ABCB1: variants seen among roughly 807,000 people sequenced by gnomAD.
ABCB1 encodes ATP binding cassette subfamily B member 1, also known as ATP-dependent translocase ABCB1.
ABCB1 carries 69 observed loss-of-function variants against 142.0 expected under a neutral mutation model. The observed-to-expected ratio is 0.49, with a 90% confidence interval of 0.40 to 0.59. The LOEUF (loss-of-function observed/expected upper bound fraction) is 0.59, where lower values mean the gene tolerates loss of function less well. Ranked by LOEUF, ABCB1 falls within the 20% of genes least tolerant of loss-of-function variation. ABCB1 has a pLI of 0.00. For missense variants in ABCB1, 1,326 were observed against 1,554.7 expected, an observed-to-expected ratio of 0.85 and a Z score of 2.47; for synonymous variants, 532 against 539.2, an observed-to-expected ratio of 0.99 and a Z score of 0.18.
intron 1 of ABCB1, among the ~76,000 whole-genome samples, chr7:87,695,443 T>G (rs1298041000): frequency 6.6e-6 from 1 of 152,096 alleles, no homozygotes; most frequent in African/African-American, 2.4e-5. Context: ...CACAAGTTTT[T>G]TAAAGGAACC....
intron 1 of ABCB1, chr7:87,700,722 G>T: frequency 1.6e-6 from 1 of 610,922 alleles, no homozygotes; most frequent in Non-Finnish European, 2.7e-6. Context: ...CTAAACTAGT[G>T]GCTCTCAAAT....
chr7:87,572,620 TAGC>T (rs1489109060), intron 4 of ABCB1, among the ~76,000 whole-genome samples: 4 of 152,296 alleles, frequency 2.6e-5, no homozygotes, highest in African/African-American at 9.6e-5. Context: ...ATGTTCATTG[TAGC>T]ACTATTCACA....
chr7:87,690,469 A>G (rs1827905786), intron 1 of ABCB1, among the ~76,000 whole-genome samples: 1 of 152,182 alleles, frequency 6.6e-6, no homozygotes, highest in African/African-American at 2.4e-5. Context: ...TGTTTCTAAG[A>G]TGTTAATACC....
chr7:87,503,723 G>A lies in ABCB1; in HGVS notation c.*520C>T. The A allele has an allele frequency of 5.4e-6, 1 of 184,408 alleles. No homozygotes were observed. The highest frequency in any genetic ancestry group is 5.4e-5 in the Admixed American group (1 of 18,510). 11.4% of individuals were successfully genotyped at this position (184,408 alleles called of 1,614,324 possible). The stretch of plus-strand genomic sequence containing the variant: ...CCAATGTGAATAGACATATACAACA[G>A]GAATTATTTAAACTGCTTAACCATT... On this transcript the variant is annotated 3_prime_UTR_variant, in exon 28 of 28. Coordinates refer to ENST00000622132, the MANE Select transcript of ABCB1 (RefSeq NM_001348946.2).
chr7:87,631,548 G>A (rs1250055238), intron 1 of ABCB1, among the ~76,000 whole-genome samples: 13 of 152,052 alleles, frequency 8.5e-5, no homozygotes, highest in African/African-American at 2.9e-4. Context: ...CCGCCACCAC[G>A]CCCGGCTAAT....
chr7:87,596,036 G>A (rs1819193678), intron 2 of ABCB1, among the ~76,000 whole-genome samples: 1 of 151,800 alleles, frequency 6.6e-6, no homozygotes, highest in African/African-American at 2.4e-5. Flanking sequence ...ACTGAGTGCT[G>A]GAATCTCTCT....
Position 87,550,513 on chromosome 7 carries a change from T to C in ABCB1, c.1179A>G (p.Glu393=). ...GGTAACTGAAGTGAACATTTCTGAA[T>C]TCCAAATTTCCCTTAATATTATCTG... is the stretch of plus-strand genomic sequence containing the variant. ...HKPDNIKGNL[E]FRNVHFSYPS... is the part of the protein sequence containing the mutation. The change falls in exon 11 of 28, where the codon GAA becomes GAG. Residue 393 remains glutamate (E), a synonymous_variant. Coordinates refer to ENST00000622132, the MANE Select transcript of ABCB1 (RefSeq NM_001348946.2). 1 of 1,613,566 alleles carries C rather than the reference T, an allele frequency of 6.2e-7. No individual in the cohort carries two copies.
chr7:87,545,762 T>C, intron 15 of ABCB1, 101 bp downstream of exon 15: 1 of 1,320,124 alleles, frequency 7.6e-7, no homozygotes, highest in African/African-American at 1.5e-5. Flanking sequence ...TGTTTCCTAC[T>C]TTGTAAGGTA....
At position 87,628,843 on chromosome 7, in the gene ABCB1, G is replaced by A. The variant is rs553655751; in HGVS notation, c.-330-27765C>T. ...CCCGCCATGGCCTCCCGGAGCCTGG[G>A]GGGCCTGAGCGGGATCCGCGGCGGT... On this transcript the variant is annotated intron_variant, in intron 1 of 28. Transcript: ENST00000265724. The A allele has an allele frequency of 3.6e-5, 45 of 1,265,822 alleles. No homozygotes were observed. In the African/African-American group the frequency reaches 6.9e-4, roughly 19 times the overall value. The allele number at this position is 1,265,822 out of a possible 1,614,324, so 78.4% of individuals were successfully genotyped here. A position where few individuals can be genotyped will look rare whatever the true frequency, so the allele number is the denominator to read the frequency against.
chr7:87,515,351 C>A lies in ABCB1; in HGVS notation c.3162G>T (p.Gln1054His). Reference protein sequence around the residue: ...YPTRPDIPVLQGLSLEVKKGQ... With the variant: ...YPTRPDIPVLHGLSLEVKKGQ... ...CCTTCTTCACCTCCAGGCTCAGTCC[C>A]TGAAGCACTGGGATGTCCGGTCGGG... Residue 1054 changes from glutamine (Q) to histidine (H), a missense_variant, in exon 25 of 28, where the codon CAG becomes CAT. Physicochemically the swap from Gln to His is conservative, Grantham distance 24. Coordinates refer to ENST00000622132, the MANE Select transcript of ABCB1 (RefSeq NM_001348946.2). 2 of 1,614,178 alleles carry A rather than the reference C, an allele frequency of 1.2e-6. No homozygotes were observed. The highest frequency in any genetic ancestry group is 1.7e-6 in the Non-Finnish European group (2 of 1,180,024).
chr7:87,676,965 A>G (rs1249133151), intron 1 of ABCB1, among the ~76,000 whole-genome samples: 1 of 152,124 alleles, frequency 6.6e-6, no homozygotes, highest in Non-Finnish European at 1.5e-5. Flanking sequence ...ATAAAAAACA[A>G]TCAAAAGATA....
rs145245577 is a variant in ABCB1 at position 87,636,734 on chromosome 7, G to A, written c.-330-35656C>T. Among the ~76,000 whole-genome samples, 455 of 152,138 alleles carry A rather than the reference G, an allele frequency of 3.0e-3. 2 individuals are homozygous for A. Among genetic ancestry groups the A allele is most frequent in the African/African-American group, 0.011 (439 of 41,516 alleles). The stretch of plus-strand genomic sequence containing the variant: ...AGTTTATTTATGATGTGAAGTACAG[G>A]AGTCAAGATTAAATATTTCCCTTAA... On this transcript the variant is annotated intron_variant, in intron 1 of 28. Coordinates refer to the ABCB1 transcript ENST00000265724.
Position 87,550,771 on chromosome 7 carries a change from G to A in ABCB1, c.1067C>T (p.Ala356Val), listed in dbSNP as rs1168879904. The stretch of plus-strand genomic sequence containing the variant: ...TTCATAAGCTGCTCCTCTTGCATTT[G>A]CAAATGCTTCAATGCTTGGAGATGC... ...GQASPSIEAF[A>V]NARGAAYEIF... is the part of the protein sequence containing the mutation. The change falls in exon 10 of 28, where the codon GCA becomes GTA. Residue 356 changes from alanine (A) to valine (V), a missense_variant. Transcript: ENST00000622132. The A allele has an allele frequency of 6.2e-7, 1 of 1,613,874 alleles. No homozygotes were observed. Among genetic ancestry groups the A allele is most frequent in the Non-Finnish European group, 8.5e-7 (1 of 1,179,810 alleles).
chr7:87,707,375 A>T (rs1489502852), intron 1 of ABCB1, among the ~76,000 whole-genome samples: 1 of 152,202 alleles, frequency 6.6e-6, no homozygotes, highest in Non-Finnish European at 1.5e-5. Flanking sequence ...TTACTAGATT[A>T]TTGGAATATG....
intron 9 of ABCB1, among the ~76,000 whole-genome samples, chr7:87,553,308 T>C (rs1817162040): frequency 6.6e-6 from 1 of 150,616 alleles, no homozygotes; most frequent in Admixed American, 6.6e-5. Context: ...TGCATCTAAT[T>C]TTTTTCCACT....
At chr7:87,656,255 A>C (rs1372266620) in intron 1 of ABCB1, among the ~76,000 whole-genome samples, 3 of 152,142 alleles carry the variant, frequency 2.0e-5, no homozygotes, top group African/African-American at 7.2e-5. Flanking sequence ...TGTCAATTTA[A>C]AAATTTTTAA....
In ABCB1 at chr7:87,539,362, A is replaced by G. The variant is rs1816430963; in HGVS notation, c.2320-17T>C. On this transcript the variant is annotated splice_polypyrimidine_tract_variant and intron_variant, in intron 18 of 27. Coordinates refer to ENST00000622132, the MANE Select transcript of ABCB1 (RefSeq NM_001348946.2). Reference sequence around the variant, plus strand: ...TGTGAAACCCTGTGGGCAGGAACATACCTTGTCAGGGACCCAGCCACCATT... The same window carrying G: ...TGTGAAACCCTGTGGGCAGGAACATGCCTTGTCAGGGACCCAGCCACCATT... 6.2e-7 allele frequency: 1 copy of G among 1,612,650 alleles called. No homozygotes were observed. Among genetic ancestry groups the G allele is most frequent in the Non-Finnish European group, 8.5e-7 (1 of 1,178,766 alleles).
intron 1 of ABCB1, among the ~76,000 whole-genome samples, chr7:87,613,054 T>C (rs1216078663): frequency 6.6e-6 from 1 of 151,170 alleles, no homozygotes; most frequent in Non-Finnish European, 1.5e-5. Context: ...GATTGGGTTC[T>C]TGATTTGATT....
chr7:87,684,696 C>T (rs910910100), intron 1 of ABCB1, among the ~76,000 whole-genome samples: 2 of 125,232 alleles, frequency 1.6e-5, no homozygotes, highest in African/African-American at 6.0e-5. Flanking sequence ...TGCAGTGAGT[C>T]GAGATCGTGC....
Sources: gnomAD v4.1 joint callset for allele counts (sites outside exome capture counted in the v4.1 genomes callset) on GRCh38, gnomAD v4.1.1 for gene constraint, MANE v1.5 for transcripts, NCBI Gene and HGNC (gene_info 2026-07-23, HGNC 2026-07-21) for gene names.